The following B3GALT1 variants were observed in gnomAD, a reference collection of about 807,000 sequenced individuals.
The protein encoded by B3GALT1 is beta-1,3-galactosyltransferase 1, also known as UDP-Gal:betaGlcNAc beta 1,3-galactosyltransferase, polypeptide 1.
A neutral mutation model predicts 23.2 loss-of-function variants in B3GALT1; 10 were observed. That is an observed-to-expected ratio of 0.43 (90% CI 0.27 to 0.73). B3GALT1 has a LOEUF of 0.73. B3GALT1 is among the 30% of genes least tolerant of loss of function. B3GALT1 has a pLI of 0.21. For synonymous variants in B3GALT1, 156 were observed against 141.5 expected (o/e 1.10, Z -0.73); for missense variants, 299 against 405.4 (o/e 0.74, Z 2.25).
chr2:167,561,494 TC>T lies in B3GALT1; in HGVS notation c.-410+71218del, dbSNP rs1341931591. ...AGGAAATAGAGACACAAAAAACCCT[TC>T]AAAAAATTAATGAATCCAGGAGCTG... On this transcript the variant is annotated intron_variant, in intron 2 of 4. Transcript: ENST00000392690. 2.6e-5 allele frequency among the ~76,000 whole-genome samples: 4 copies of T among 151,728 alleles called. No homozygotes were observed. In the East Asian group the frequency reaches 7.8e-4, roughly 30 times the overall value.
At chr2:167,814,829 C>A (rs1688963419) in intron 3 of B3GALT1, 1 of 152,226 alleles carries the variant, frequency 6.6e-6, no homozygotes, top group African/African-American at 2.4e-5. Context: ...TGGAAGCAAT[C>A]TTTCTTCACT....
chr2:167,301,800 G>A (rs1300041049), intron 1 of B3GALT1, among the ~76,000 whole-genome samples: 1 of 152,070 alleles, frequency 6.6e-6, no homozygotes, highest in African/African-American at 2.4e-5. Flanking sequence ...CTACCCACCT[G>A]GGCCCCCCAA....
At chr2:167,466,312 A>G (rs1699343944) in intron 1 of B3GALT1, among the ~76,000 whole-genome samples, 1 of 152,132 alleles carries the variant, frequency 6.6e-6, no homozygotes, top group Admixed American at 6.5e-5. Context: ...TTATTTACGA[A>G]TATTTCAAGA....
chr2:167,404,689 G>C (rs1698247011), intron 1 of B3GALT1, among the ~76,000 whole-genome samples: 1 of 152,148 alleles, frequency 6.6e-6, no homozygotes, highest in Non-Finnish European at 1.5e-5. Flanking sequence ...CAGTTTGCTT[G>C]AAGACATCTC....
chr2:167,400,583 G>A (rs572274059), intron 1 of B3GALT1, among the ~76,000 whole-genome samples: 75 of 152,166 alleles, frequency 4.9e-4, no homozygotes, highest in African/African-American at 1.8e-3. Context: ...AGACCCTGAA[G>A]ATACATTAAC....
intron 1 of B3GALT1, among the ~76,000 whole-genome samples, chr2:167,388,855 C>G (rs1375943734): frequency 6.6e-6 from 1 of 152,114 alleles, no homozygotes; most frequent in Non-Finnish European, 1.5e-5. Flanking sequence ...TCCACAAGAA[C>G]CAAGAAAAGC....
chr2:167,805,446 T>C (rs1394991027), intron 3 of B3GALT1, among the ~76,000 whole-genome samples: 2 of 152,162 alleles, frequency 1.3e-5, no homozygotes, highest in Admixed American at 1.3e-4. Context: ...TCTTGTAGGG[T>C]TTTTATGGTT....
intron 2 of B3GALT1, among the ~76,000 whole-genome samples, chr2:167,512,570 ATATATATATGTATATATATATG>A (rs1558887693): frequency 1.6e-4 from 15 of 91,152 alleles, no homozygotes; most frequent in African/African-American, 5.2e-4. Context: ...ATATATATGT[ATATATATATGTATATATATATG>A]TGTATATATA....
chr2:167,454,369 C>T (rs1358996231), intron 1 of B3GALT1, among the ~76,000 whole-genome samples: 1 of 152,204 alleles, frequency 6.6e-6, no homozygotes, highest in Non-Finnish European at 1.5e-5. Context: ...AGCCACTTCT[C>T]CCTCAGTCCT....
At position 167,333,924 on chromosome 2, in the gene B3GALT1, G is replaced by A. The variant is rs1697016214; in HGVS notation, c.-511+40590G>A. ...GGCACCGAGAAACCTTCTTATTTAG[G>A]CTTAAGAAGCTTTTAAAATCTTTGC... On this transcript the variant is annotated intron_variant, in intron 1 of 4. Transcript: ENST00000392690. Among the ~76,000 whole-genome samples the A allele has an allele frequency of 2.6e-5, 4 of 151,720 alleles. No homozygotes were observed. The South Asian group carries it at 8.4e-4, about 32-fold the overall frequency.
intron 1 of B3GALT1, among the ~76,000 whole-genome samples, chr2:167,465,489 T>C (rs1699330692): frequency 6.6e-6 from 1 of 152,164 alleles, no homozygotes; most frequent in African/African-American, 2.4e-5. Context: ...GATGGTGCTT[T>C]GTTGCTGTGT....
At chr2:167,764,322 T>C (rs182114754) in intron 3 of B3GALT1, among the ~76,000 whole-genome samples, 82 of 152,318 alleles carry the variant, frequency 5.4e-4, no homozygotes, top group East Asian at 5.8e-4. Context: ...TCTCTTTCAA[T>C]TATGTGACAT....
At chr2:167,728,841 T>G (rs966354068) in intron 3 of B3GALT1, among the ~76,000 whole-genome samples, 4 of 152,222 alleles carry the variant, frequency 2.6e-5, no homozygotes, top group Admixed American at 2.6e-4. Context: ...GTATATACCT[T>G]TGTACTGAAA....
chr2:167,820,345 G>C (rs1689079583), intron 4 of B3GALT1, among the ~76,000 whole-genome samples: 1 of 152,196 alleles, frequency 6.6e-6, no homozygotes, highest in Non-Finnish European at 1.5e-5. Flanking sequence ...TGAGAGTCAA[G>C]AGAGCTCTCC....
chr2:167,560,223 A>C (rs1222008934), intron 2 of B3GALT1, among the ~76,000 whole-genome samples: 1 of 152,232 alleles, frequency 6.6e-6, no homozygotes, highest in Admixed American at 6.5e-5. Flanking sequence ...TAAGTGAAGG[A>C]GAAATAAAAT....
chr2:167,366,831 T>C (rs576798292), intron 1 of B3GALT1, among the ~76,000 whole-genome samples: 1 of 152,202 alleles, frequency 6.6e-6, no homozygotes, highest in Non-Finnish European at 1.5e-5. Flanking sequence ...AGCTAGAAAC[T>C]TCAGACCTCC....
chr2:167,429,293 A>AT (rs1211586389), intron 1 of B3GALT1, among the ~76,000 whole-genome samples: 291 of 151,858 alleles, frequency 1.9e-3, no homozygotes, highest in African/African-American at 6.7e-3. Flanking sequence ...AAAAAAAAAA[A>AT]AAAAAAATAA....
intron 2 of B3GALT1, among the ~76,000 whole-genome samples, chr2:167,636,625 C>T (rs184922199): frequency 2.6e-5 from 4 of 152,230 alleles, no homozygotes; most frequent in African/African-American, 9.6e-5. Context: ...GAAAATGTGA[C>T]ATATATACAC....
Position 167,709,679 on chromosome 2 carries a change from G to T in B3GALT1, c.-352+62713G>T, listed in dbSNP as rs1403267433. On this transcript the variant is annotated intron_variant, in intron 3 of 4. Coordinates refer to ENST00000392690, the MANE Select transcript of B3GALT1 (RefSeq NM_020981.4). ...TGGAACAGCTGGGTTCACACATTGTGTTGTGATAAGTGATTTTCACATATC... is the reference window on the plus strand; with the variant it reads ...TGGAACAGCTGGGTTCACACATTGTTTTGTGATAAGTGATTTTCACATATC... 2.0e-5 allele frequency among the ~76,000 whole-genome samples: 3 copies of T among 152,226 alleles called. No individual in the cohort carries two copies. In the East Asian group the frequency reaches 5.8e-4, roughly 30 times the overall value.
Sources: allele counts gnomAD v4.1 joint callset (sites outside exome capture counted in the v4.1 genomes callset), GRCh38; gene constraint gnomAD v4.1.1; transcripts MANE v1.5; gene names NCBI Gene and HGNC (gene_info 2026-07-23, HGNC 2026-07-21).